Variants in IKZF2 observed in about 807,000 individuals in gnomAD.
The protein encoded by IKZF2 is IKAROS family zinc finger 2.
IKZF2 carries 15 observed loss-of-function variants against 49.2 expected under a neutral mutation model. The ratio of observed to expected loss-of-function variants is 0.30; its 90% CI spans 0.20 to 0.47. The LOEUF is 0.47. Among genes scored for constraint, IKZF2 ranks in the 20% least tolerant of loss-of-function variants. IKZF2 has a pLI of 1.00. For missense variants in IKZF2, 567 were observed against 664.6 expected, an observed-to-expected ratio of 0.85 and a Z score of 1.61; for synonymous variants, 227 against 221.4, an observed-to-expected ratio of 1.03 and a Z score of -0.23.
At chr2:213,092,620 C>T (rs1705484188) in intron 4 of IKZF2, among the ~76,000 whole-genome samples, 1 of 152,148 alleles carries the variant, frequency 6.6e-6, no homozygotes, top group African/African-American at 2.4e-5. Context: ...TGGTGCCCAG[C>T]TCAGTCAAGG....
intron 4 of IKZF2, chr2:213,098,024 C>A (rs1330162617): frequency 4.1e-6 from 1 of 241,728 alleles, no homozygotes; most frequent in Non-Finnish European, 8.7e-6. Context: ...ATTAATCAAT[C>A]TCAAAAAAGT....
At chr2:213,111,629 C>A (rs1234975456) in intron 4 of IKZF2, among the ~76,000 whole-genome samples, 1 of 152,042 alleles carries the variant, frequency 6.6e-6, no homozygotes, top group Admixed American at 6.6e-5. Context: ...AGAGAACAAA[C>A]AAAATCTACC....
Position 213,126,443 on chromosome 2 carries a change from A to C in IKZF2, c.139+21265T>G, listed in dbSNP as rs186550752. On this transcript the variant is annotated intron_variant, in intron 4 of 8. Coordinates refer to ENST00000434687, the MANE Select transcript of IKZF2 (RefSeq NM_001387220.1). ...TAAATAAACATTAGAGTTGTTTTTT[A>C]TGAGATTATCGTTTTAAGGTTAAAA... Among the ~76,000 whole-genome samples, 5 of 152,234 alleles carry C rather than the reference A, an allele frequency of 3.3e-5. No individual in the cohort carries two copies. The East Asian group carries it at 9.6e-4, about 29-fold the overall frequency.
At chr2:213,015,729 A>C (rs757226983) in intron 7 of IKZF2, among the ~76,000 whole-genome samples, 1 of 152,056 alleles carries the variant, frequency 6.6e-6, no homozygotes, top group Non-Finnish European at 1.5e-5. Context: ...GTATGGACCA[A>C]AGATGAAAAT....
chr2:213,081,599 C>T (rs1189299417), intron 4 of IKZF2, among the ~76,000 whole-genome samples: 1 of 152,090 alleles, frequency 6.6e-6, no homozygotes, highest in Non-Finnish European at 1.5e-5. Flanking sequence ...GACTGAATTC[C>T]ACCTTGAAAC....
chr2:213,071,113 C>T (rs1045890604), intron 4 of IKZF2, among the ~76,000 whole-genome samples: 2 of 152,016 alleles, frequency 1.3e-5, no homozygotes, highest in African/African-American at 4.8e-5. Flanking sequence ...TGTGTCTGAA[C>T]CAGCCAAATA....
intron 7 of IKZF2, chr2:213,016,929 G>T (rs1333248381): frequency 6.6e-6 from 1 of 152,164 alleles, no homozygotes; most frequent in African/African-American, 2.4e-5. Context: ...CAACAGGAAA[G>T]TTCTCTAAAG....
intron 8 of IKZF2, 29 bp from the exon 9 acceptor site, chr2:213,008,113 A>T (rs1387001976): frequency 3.1e-5 from 6 of 195,100 alleles, no homozygotes; most frequent in East Asian, 1.8e-4. Context: ...TGAAAGAAGT[A>T]AAAAAAAAAA....
chr2:213,013,649 G>T, intron 8 of IKZF2, 142 bp downstream of exon 8: 1 of 699,148 alleles, frequency 1.4e-6, no homozygotes, highest in Non-Finnish European at 2.3e-6. Flanking sequence ...GAATGTCAGA[G>T]AGTAAAAAAG....
intron 4 of IKZF2, among the ~76,000 whole-genome samples, chr2:213,131,881 T>C (rs1446303036): frequency 1.3e-5 from 2 of 152,170 alleles, no homozygotes; most frequent in Admixed American, 6.5e-5. Flanking sequence ...GTCAATCAGA[T>C]AACCAACACA....
chr2:213,101,893 C>T (rs1193159161), intron 4 of IKZF2, among the ~76,000 whole-genome samples: 1 of 152,118 alleles, frequency 6.6e-6, no homozygotes, highest in East Asian at 1.9e-4. Context: ...CTCACTTTAG[C>T]TCTGTCTAAA....
intron 4 of IKZF2, among the ~76,000 whole-genome samples, chr2:213,098,140 C>G (rs1684777789): frequency 6.6e-6 from 1 of 152,030 alleles, no homozygotes; most frequent in Non-Finnish European, 1.5e-5. Flanking sequence ...ATGCCTGAGC[C>G]CTACCCCTAT....
chr2:213,011,500 A>C (rs67529860), intron 8 of IKZF2, among the ~76,000 whole-genome samples: 34,832 of 151,982 alleles, frequency 0.23, 4,411 homozygotes, highest in Non-Finnish European at 0.27. Context: ...AATAAGGAAA[A>C]AAGATAAAAG....
At chr2:213,071,650 A>G (rs561019246) in intron 4 of IKZF2, among the ~76,000 whole-genome samples, 5 of 152,104 alleles carry the variant, frequency 3.3e-5, no homozygotes, top group Non-Finnish European at 7.4e-5. Flanking sequence ...GGAGAAGTAT[A>G]AAGGCACAGA....
In IKZF2 at chr2:213,007,462, A is replaced by G. The variant is rs1332979942; in HGVS notation, c.1479T>C (p.His493=). 6.2e-7 allele frequency: 1 copy of G among 1,613,604 alleles called. No individual in the cohort carries two copies. The highest frequency in any genetic ancestry group is 1.7e-5 in the Admixed American group (1 of 59,956). ...HVMYTIHMGC[H]GYRDPLECNI... is the part of the protein sequence containing the mutation. ...TGCATTCCAGTGGGTCCCGGTAGCC[A>G]TGGCAACCCATGTGAATGGTGTACA... is the stretch of plus-strand genomic sequence containing the variant. Residue 493 remains histidine (H), a synonymous_variant, in exon 9 of 9, where the codon CAT becomes CAC. Coordinates refer to ENST00000434687, the MANE Select transcript of IKZF2 (RefSeq NM_001387220.1).
chr2:213,114,074 C>A (rs954699070), intron 4 of IKZF2, among the ~76,000 whole-genome samples: 1 of 152,174 alleles, frequency 6.6e-6, no homozygotes, highest in Non-Finnish European at 1.5e-5. Flanking sequence ...TGACACCCAA[C>A]TCCAAATTTT....
chr2:213,116,481 T>C (rs116301284), intron 4 of IKZF2, among the ~76,000 whole-genome samples: 1,902 of 152,300 alleles, frequency 0.012, 39 homozygotes, highest in African/African-American at 0.043. Context: ...ACATCTGTAA[T>C]CCCAGCATTT....
chr2:213,070,509 C>T (rs1388622844), intron 4 of IKZF2, among the ~76,000 whole-genome samples: 2 of 152,046 alleles, frequency 1.3e-5, no homozygotes, highest in African/African-American at 4.8e-5. Flanking sequence ...TCAGGATTCC[C>T]TCTTGCCATC....
At chr2:213,008,996 A>C (rs866913447) in intron 8 of IKZF2, among the ~76,000 whole-genome samples, 16 of 152,130 alleles carry the variant, frequency 1.1e-4, no homozygotes, top group Middle Eastern at 3.2e-3. Flanking sequence ...AAATAAAATT[A>C]AGAGTTATTT....
Sources: allele counts gnomAD v4.1 joint callset (sites outside exome capture counted in the v4.1 genomes callset), GRCh38; gene constraint gnomAD v4.1.1; transcripts MANE v1.5; gene names NCBI Gene and HGNC (gene_info 2026-07-23, HGNC 2026-07-21).